Variants in UTRN observed in about 807,000 individuals in gnomAD.
UTRN encodes dystrophin-related protein 1.
In UTRN, 283 loss-of-function variants were observed where a neutral mutation model predicts 463.9. That is an observed-to-expected ratio of 0.61 (90% CI 0.55 to 0.67). The LOEUF (loss-of-function observed/expected upper bound fraction) is 0.67. UTRN is among the 30% of genes least tolerant of loss of function. UTRN has a pLI of 0.00. For missense variants in UTRN, 3,922 were observed against 4,084.3 expected, an observed-to-expected ratio of 0.96 and a Z score of 1.08; for synonymous variants, 1,442 against 1,431.5, an observed-to-expected ratio of 1.01 and a Z score of -0.17.
intron 65 of UTRN, among the ~76,000 whole-genome samples, chr6:144,816,298 T>C (rs2128751556): frequency 6.6e-6 from 1 of 152,034 alleles, no homozygotes; most frequent in African/African-American, 2.4e-5. Context: ...GCAAAACAAA[T>C]TAAGGATAGA....
intron 51 of UTRN, among the ~76,000 whole-genome samples, chr6:144,663,084 A>T (rs1414490387): frequency 6.6e-6 from 1 of 152,142 alleles, no homozygotes; most frequent in African/African-American, 2.4e-5. Flanking sequence ...CAAGGCTAGG[A>T]GTCTCTTGCA....
chr6:144,582,322 A>C (rs1298425126), intron 51 of UTRN, among the ~76,000 whole-genome samples: 1 of 152,200 alleles, frequency 6.6e-6, no homozygotes, highest in Non-Finnish European at 1.5e-5. Flanking sequence ...ATAATGAGCA[A>C]CATCTGGGTT....
intron 2 of UTRN, among the ~76,000 whole-genome samples, chr6:144,307,040 G>A (rs1334076413): frequency 6.6e-6 from 1 of 151,496 alleles, no homozygotes; most frequent in East Asian, 1.9e-4. Flanking sequence ...ACTCCAGCCT[G>A]GGTGGCAGAG....
intron 51 of UTRN, among the ~76,000 whole-genome samples, chr6:144,617,468 G>C (rs759901773): frequency 3.3e-5 from 5 of 152,164 alleles, no homozygotes; most frequent in Non-Finnish European, 7.3e-5. Flanking sequence ...CCTCTTGGCA[G>C]CTTCAGCAAG....
At chr6:144,585,905 C>A (rs778023289) in intron 51 of UTRN, among the ~76,000 whole-genome samples, 1 of 151,948 alleles carries the variant, frequency 6.6e-6, no homozygotes, top group Admixed American at 6.6e-5. Context: ...CATGTAGAGA[C>A]CAAAATGAAT....
chr6:144,325,096 C>G (rs12178630), intron 2 of UTRN, among the ~76,000 whole-genome samples: 1 of 152,082 alleles, frequency 6.6e-6, no homozygotes, highest in Admixed American at 6.5e-5. Flanking sequence ...CATGGCAAGG[C>G]TCTGAATAGA....
chr6:144,469,703 C>CTTTTTTTTTTTTTT (rs545551155), intron 23 of UTRN, among the ~76,000 whole-genome samples: 4,867 of 133,246 alleles, frequency 0.037, 269 homozygotes, highest in African/African-American at 0.11. Context: ...TGTTTCTTTC[C>CTTTTTTTTTTTTTT]TTTTTTTTTT....
chr6:144,700,563 T>TTTTG (rs911148198), intron 53 of UTRN, among the ~76,000 whole-genome samples: 27 of 151,808 alleles, frequency 1.8e-4, no homozygotes, highest in African/African-American at 5.6e-4. Flanking sequence ...TTTTTTTGTT[T>TTTTG]TTTGTTTGTT....
rs73595568 is a variant in UTRN at position 144,596,942 on chromosome 6, G to C, written c.7479+19654G>C. 1.9e-3 allele frequency among the ~76,000 whole-genome samples: 289 copies of C among 152,192 alleles called. 2 individuals are homozygous for C. Among genetic ancestry groups the C allele is most frequent in the African/African-American group, 6.7e-3 (278 of 41,552 alleles). ...TTCAGATGGTGACAAGTGCAAAATG[G>C]CTTAAAAGTGCCTTGGCTAGGCACA... On this transcript the variant is annotated intron_variant, in intron 51 of 74. Coordinates refer to ENST00000367545, the MANE Select transcript of UTRN (RefSeq NM_007124.3).
At chr6:144,476,776 A>G (rs1791250725) in intron 25 of UTRN, among the ~76,000 whole-genome samples, 1 of 152,174 alleles carries the variant, frequency 6.6e-6, no homozygotes, top group African/African-American at 2.4e-5. Context: ...TTGAGAAAGC[A>G]GGGTCAATGA....
Position 144,357,280 on chromosome 6 carries a change from C to G in UTRN, c.80-45843C>G, listed in dbSNP as rs895775052. Among the ~76,000 whole-genome samples, 3 of 152,072 alleles carry G rather than the reference C, an allele frequency of 2.0e-5. 1 individual carries two copies. Among genetic ancestry groups the G allele is most frequent in the Admixed American group, 2.0e-4 (3 of 15,270 alleles). Reference sequence around the variant, plus strand: ...ATACCAAATTCCCCTCATTTCCGCACGATGATATGTTATTAGTATTCTGAT... The same window carrying G: ...ATACCAAATTCCCCTCATTTCCGCAGGATGATATGTTATTAGTATTCTGAT... On this transcript the variant is annotated intron_variant, in intron 2 of 74. Transcript: ENST00000367545.
At chr6:144,835,716 T>G in intron 69 of UTRN, 64 bp from the exon 70 acceptor site, 1 of 1,595,018 alleles carries the variant, frequency 6.3e-7, no homozygotes, top group Non-Finnish European at 8.5e-7. Flanking sequence ...TTCTACTTCC[T>G]TTATGTCCAA....
chr6:144,514,686 G>T lies in UTRN; in HGVS notation c.5110G>T (p.Val1704Phe), dbSNP rs759259569. The change falls in exon 37 of 75, where the codon GTT becomes TTT. Residue 1704 changes from valine (V) to phenylalanine (F), a missense_variant. Physicochemically the swap from Val to Phe is conservative, Grantham distance 50 (BLOSUM62 -1). Transcript: ENST00000367545. ...VSELDDANLQ[V>F]ENVRDQALIL... ...TGAGCTGGATGATGCCAACCTCCAG[G>T]TTGAAAATGTCCGCGATCAAGCCCT... is the stretch of plus-strand genomic sequence containing the variant. The T allele has an allele frequency of 1.9e-6, 3 of 1,614,144 alleles. No individual in the cohort carries two copies. Among genetic ancestry groups the T allele is most frequent in the Non-Finnish European group, 2.5e-6 (3 of 1,180,020 alleles).
chr6:144,478,474 TA>T (rs1791482256), intron 25 of UTRN, among the ~76,000 whole-genome samples: 2 of 152,232 alleles, frequency 1.3e-5, no homozygotes, highest in African/African-American at 4.8e-5. Context: ...CTGACCAGGT[TA>T]ACCTGATGAT....
chr6:144,288,814 G>A (rs1803936424), intron 1 of UTRN, among the ~76,000 whole-genome samples: 2 of 148,210 alleles, frequency 1.3e-5, no homozygotes, highest in African/African-American at 5.0e-5. Flanking sequence ...CAAGGCTGGA[G>A]TGCAGTGGCA....
intron 65 of UTRN, among the ~76,000 whole-genome samples, chr6:144,806,702 G>A (rs1168175520): frequency 7.1e-6 from 1 of 140,614 alleles, no homozygotes; most frequent in African/African-American, 2.6e-5. Flanking sequence ...CCCTTCATGT[G>A]TAATCTTTGT....
chr6:144,549,142 G>A (rs976622226), intron 47 of UTRN, among the ~76,000 whole-genome samples: 2 of 152,180 alleles, frequency 1.3e-5, no homozygotes, highest in Non-Finnish European at 2.9e-5. Flanking sequence ...ATAAGCTGGC[G>A]TTAGCATTTC....
chr6:144,324,437 A>G (rs1341638893), intron 2 of UTRN, among the ~76,000 whole-genome samples: 1 of 152,230 alleles, frequency 6.6e-6, no homozygotes, highest in Non-Finnish European at 1.5e-5. Flanking sequence ...ATCACTGCAT[A>G]TTTCAAATTG....
intron 58 of UTRN, among the ~76,000 whole-genome samples, chr6:144,763,032 CAGTT>C (rs1175656850): frequency 1.3e-5 from 2 of 152,166 alleles, no homozygotes; most frequent in Non-Finnish European, 2.9e-5. Context: ...TTCTATAGCT[CAGTT>C]TTTCCCACTG....
Sources: gnomAD v4.1 joint callset for allele counts (sites outside exome capture counted in the v4.1 genomes callset) on GRCh38, gnomAD v4.1.1 for gene constraint, MANE v1.5 for transcripts, NCBI Gene and HGNC (gene_info 2026-07-23, HGNC 2026-07-21) for gene names.